Variants in PITPNC1 observed in about 807,000 individuals in gnomAD.
PITPNC1 encodes cytoplasmic phosphatidylinositol transfer protein 1.
Under a neutral mutation model 44.7 loss-of-function variants are expected in PITPNC1, and 18 were observed. That is an observed-to-expected ratio of 0.40 (90% confidence interval 0.28 to 0.60). PITPNC1 has a LOEUF of 0.60. Ranked by LOEUF, PITPNC1 falls within the 20% of genes least tolerant of loss-of-function variation. The pLI, the probability that PITPNC1 is intolerant of heterozygous loss-of-function variation, is 0.39. For missense variants in PITPNC1, 290 were observed against 418.4 expected (o/e 0.69, Z 2.68); for synonymous variants, 141 against 149.6 (o/e 0.94, Z 0.42).
At chr17:67,473,052 A>G (rs2039568114) in intron 1 of PITPNC1, among the ~76,000 whole-genome samples, 1 of 151,294 alleles carries the variant, frequency 6.6e-6, no homozygotes, top group Non-Finnish European at 1.5e-5. Flanking sequence ...ATTTTTTTGT[A>G]TTTTTAGTAG....
intron 1 of PITPNC1, among the ~76,000 whole-genome samples, chr17:67,442,596 A>T (rs1448133457): frequency 6.6e-6 from 1 of 151,940 alleles, no homozygotes; most frequent in Non-Finnish European, 1.5e-5. Flanking sequence ...TAATCCCAGC[A>T]TATTGGGAGG....
At chr17:67,602,861 C>G (rs1195373413) in intron 5 of PITPNC1, among the ~76,000 whole-genome samples, 2 of 152,140 alleles carry the variant, frequency 1.3e-5, no homozygotes, top group Non-Finnish European at 2.9e-5. Context: ...CTCAGTCTCC[C>G]AAGTAGCTGG....
intron 1 of PITPNC1, among the ~76,000 whole-genome samples, chr17:67,391,647 A>G (rs1018878929): frequency 6.6e-6 from 1 of 151,896 alleles, no homozygotes; most frequent in Non-Finnish European, 1.5e-5. Flanking sequence ...CGCCCGGCTA[A>G]TTTTTATATT....
At chr17:67,608,343 A>T (rs1421297199) in intron 5 of PITPNC1, among the ~76,000 whole-genome samples, 1 of 152,116 alleles carries the variant, frequency 6.6e-6, no homozygotes, top group African/African-American at 2.4e-5. Flanking sequence ...TTCAAGTCCA[A>T]CCTGAGCAAC....
At chr17:67,604,551 G>A (rs953221754) in intron 5 of PITPNC1, among the ~76,000 whole-genome samples, 2 of 152,244 alleles carry the variant, frequency 1.3e-5, no homozygotes, top group Non-Finnish European at 2.9e-5. Context: ...GGGAGGCCCA[G>A]GCGGGTGGAT....
chr17:67,434,017 C>A (rs1414259193), intron 1 of PITPNC1, among the ~76,000 whole-genome samples: 1 of 152,158 alleles, frequency 6.6e-6, no homozygotes, highest in Non-Finnish European at 1.5e-5. Flanking sequence ...ACAAATGGTC[C>A]TGCTCCTGGG....
intron 1 of PITPNC1, among the ~76,000 whole-genome samples, chr17:67,475,875 T>C (rs756154035): frequency 1.3e-5 from 2 of 152,176 alleles, no homozygotes; most frequent in Non-Finnish European, 2.9e-5. Context: ...CTCAGTCGAC[T>C]GTCAGTTAAG....
At position 67,676,739 on chromosome 17, in the gene PITPNC1, A is replaced by C. The variant is rs989309750; in HGVS notation, c.682+1197A>C. 5.3e-5 allele frequency among the ~76,000 whole-genome samples: 8 copies of C among 152,166 alleles called. No individual in the cohort carries two copies. The highest frequency in any genetic ancestry group is 1.9e-4 in the African/African-American group (8 of 41,444). On this transcript the variant is annotated intron_variant, in intron 8 of 8. Transcript: ENST00000581322. This position sits in a 1 kb window ranked among gnomAD's most constrained non-coding sequence, Gnocchi z 4.0. ...AAAGGACACGTTAGACGGAAGGGGC[A>C]AAGACAGTCATTATTATTAATATTG...
intron 8 of PITPNC1, among the ~76,000 whole-genome samples, chr17:67,685,308 C>A (rs2042792213): frequency 6.6e-6 from 1 of 152,176 alleles, no homozygotes; most frequent in Admixed American, 6.5e-5. Context: ...GCTTATGGAC[C>A]GCATTTGCGA....
intron 1 of PITPNC1, 116 bp from the exon 2 acceptor site, chr17:67,532,686 T>G: frequency 2.6e-6 from 2 of 764,610 alleles, no homozygotes; most frequent in Non-Finnish European, 4.1e-6. Context: ...TGTGGCTGCC[T>G]TCTCTTCTCA....
At chr17:67,400,184 A>G (rs1470057334) in intron 1 of PITPNC1, among the ~76,000 whole-genome samples, 1 of 152,188 alleles carries the variant, frequency 6.6e-6, no homozygotes, top group African/African-American at 2.4e-5. Flanking sequence ...CAAATGGCCT[A>G]TGGGAAATCC....
chr17:67,456,271 C>T (rs941083372), intron 1 of PITPNC1, among the ~76,000 whole-genome samples: 1 of 152,122 alleles, frequency 6.6e-6, no homozygotes, highest in Non-Finnish European at 1.5e-5. Context: ...TCTAATGTCT[C>T]TACTTTTAAG....
intron 8 of PITPNC1, among the ~76,000 whole-genome samples, chr17:67,677,636 C>T (rs893753281): frequency 7.9e-5 from 12 of 151,502 alleles, no homozygotes; most frequent in Middle Eastern, 3.4e-3. Context: ...GGCACAATCT[C>T]GGCTCACTGC....
At chr17:67,378,873 G>T (rs899415181) in intron 1 of PITPNC1, 6 of 533,938 alleles carry the variant, frequency 1.1e-5, no homozygotes, top group African/African-American at 4.1e-5. Context: ...CGGGAGCGGC[G>T]GGGGCTGCGA....
chr17:67,683,558 C>A (rs1453651827), intron 8 of PITPNC1, among the ~76,000 whole-genome samples: 1 of 152,110 alleles, frequency 6.6e-6, no homozygotes, highest in African/African-American at 2.4e-5. Context: ...ACAGCAGGGA[C>A]CATATTATCA....
At chr17:67,550,813 G>T (rs1157648518) in intron 2 of PITPNC1, among the ~76,000 whole-genome samples, 1 of 152,168 alleles carries the variant, frequency 6.6e-6, no homozygotes, top group African/African-American at 2.4e-5. Flanking sequence ...TGTAATCCCA[G>T]CACTTTTGGA....
intron 1 of PITPNC1, among the ~76,000 whole-genome samples, chr17:67,451,694 A>C (rs928006856): frequency 6.7e-6 from 1 of 149,664 alleles, no homozygotes; most frequent in African/African-American, 2.5e-5. Context: ...GCTGGAGTGC[A>C]GTGGCGCGAT....
At position 67,416,759 on chromosome 17, in the gene PITPNC1, C is replaced by A. The variant is rs185693827; in HGVS notation, c.48+38557C>A. Among the ~76,000 whole-genome samples the A allele has an allele frequency of 3.0e-3, 459 of 152,314 alleles. 3 individuals are homozygous for A. Among genetic ancestry groups the A allele is most frequent in the African/African-American group, 0.011 (442 of 41,568 alleles). On this transcript the variant is annotated intron_variant, in intron 1 of 8. Coordinates refer to ENST00000581322, the MANE Select transcript of PITPNC1 (RefSeq NM_012417.4). ...ACCATTCAAGAACAACTTATATCAA[C>A]AATCAGTGCCCTTAAAAGGAAATGC...
At chr17:67,548,895 A>G (rs1014759404) in intron 2 of PITPNC1, among the ~76,000 whole-genome samples, 1 of 152,174 alleles carries the variant, frequency 6.6e-6, no homozygotes, top group South Asian at 2.1e-4. Flanking sequence ...GACAGTATAC[A>G]TCATGAAAGT....
Sources: allele counts gnomAD v4.1 joint callset (sites outside exome capture counted in the v4.1 genomes callset), GRCh38; gene constraint gnomAD v4.1.1; non-coding constraint Gnocchi (gnomAD v3.1); transcripts MANE v1.5; gene names NCBI Gene and HGNC (gene_info 2026-07-23, HGNC 2026-07-21).